Variants in FGD1 observed in about 807,000 individuals in gnomAD.
The protein encoded by FGD1 is FYVE, RhoGEF and PH domain containing 1.
FGD1 carries 12 observed loss-of-function variants against 65.0 expected under a neutral mutation model. The observed-to-expected ratio is 0.18, with a 90% CI of 0.12 to 0.30. FGD1 has a LOEUF of 0.30. Ranked by LOEUF, FGD1 falls within the 10% of genes least tolerant of loss-of-function variation. FGD1 has a pLI of 1.00. For missense variants in FGD1, 542 were observed against 837.6 expected (o/e 0.65, Z 4.36); for synonymous variants, 333 against 343.9 (o/e 0.97, Z 0.35).
rs1481678442 is a variant in FGD1, at chrX:54,495,319, C to T, written c.114G>A (p.Ser38=). The T allele has an allele frequency of 8.5e-7, 1 of 1,171,135 alleles. No homozygotes were observed. Among genetic ancestry groups the T allele is most frequent in the Non-Finnish European group, 1.1e-6 (1 of 877,256 alleles). ...PACADSDPGA[S]EPGLLARRGS... ...CCCTGCGCGCCAGCAGTCCGGGTTC[C>T]GAGGCTCCAGGGTCCGAGTCGGCAC... is the stretch of plus-strand genomic sequence containing the variant. The change falls in exon 1 of 18, where the codon TCG becomes TCA. Residue 38 remains serine, a synonymous_variant. Coordinates refer to ENST00000375135, the MANE Select transcript of FGD1 (RefSeq NM_004463.3).
intron 1 of FGD1, among the ~76,000 whole-genome samples, chrX:54,485,812 G>A (rs1923258725): frequency 9.4e-6 from 1 of 106,508 alleles, no homozygotes; most frequent in African/African-American, 3.5e-5. Context: ...GTCTCGCTCT[G>A]TTGCCAGACT....
chrX:54,451,346 G>A (rs371611781), intron 12 of FGD1, among the ~76,000 whole-genome samples: 7 of 107,453 alleles, frequency 6.5e-5, no homozygotes, highest in African/African-American at 2.0e-4. Flanking sequence ...GTGCAGTGGC[G>A]TGATCTCAGC....
chrX:54,475,790 G>A (rs1293204957), intron 1 of FGD1, among the ~76,000 whole-genome samples: 7 of 112,265 alleles, frequency 6.2e-5, no homozygotes, highest in African/African-American at 2.3e-4. Flanking sequence ...CAGCTAGGCC[G>A]GGCGCGGTGG....
At chrX:54,482,992 G>A (rs886333433) in intron 1 of FGD1, among the ~76,000 whole-genome samples, 1 of 111,939 alleles carries the variant, frequency 8.9e-6, no homozygotes, top group Non-Finnish European at 1.9e-5. Context: ...TAGAAGGTGG[G>A]AATGACAGCC....
chrX:54,487,929 GAC>G (rs1199194092), intron 1 of FGD1, among the ~76,000 whole-genome samples: 2 of 97,505 alleles, frequency 2.1e-5, no homozygotes, highest in Non-Finnish European at 2.1e-5. Flanking sequence ...CAGCCTGGGC[GAC>G]AGAGTGACAC....
Position 54,483,563 on chromosome X carries a change from G to A in FGD1, c.307+11563C>T, listed in dbSNP as rs542485306. On this transcript the variant is annotated intron_variant, in intron 1 of 17. Transcript: ENST00000375135. ...GGGCCATGGGGAAGCGCCAAGGAGG[G>A]CTCTTCCCTCTTAGTCTCAGCTACA... Among the ~76,000 whole-genome samples the A allele has an allele frequency of 1.4e-4, 16 of 112,314 alleles. No individual in the cohort carries two copies. The South Asian group carries it at 5.9e-3, about 41-fold the overall frequency.
chrX:54,470,175 G>T lies in FGD1; in HGVS notation c.942C>A (p.Pro314=), dbSNP rs200512089. 233 of 1,208,272 alleles carry T rather than the reference G, an allele frequency of 1.9e-4. 1 individual carries two copies. The East Asian group carries it at 6.1e-3, about 32-fold the overall frequency. Residue 314 remains proline, a synonymous_variant, in exon 4 of 18, where the codon CCC becomes CCA. Coordinates refer to ENST00000375135, the MANE Select transcript of FGD1 (RefSeq NM_004463.3). ...GPPSHSLCPG[P]PALASVPVAL... ...CAACAGGCACACTAGCCAGGGCAGGGGGCCCAGGGCAGAGGCTGTGGCTGG... is the reference window on the plus strand; with the variant it reads ...CAACAGGCACACTAGCCAGGGCAGGTGGCCCAGGGCAGAGGCTGTGGCTGG...
intron 8 of FGD1, among the ~76,000 whole-genome samples, chrX:54,462,747 C>T (rs1413272350): frequency 1.9e-5 from 2 of 104,319 alleles, no homozygotes; most frequent in Admixed American, 2.2e-4. Flanking sequence ...TTTCTTCCTA[C>T]CTTTAGGGCT....
intron 1 of FGD1, 81 bp downstream of exon 1, chrX:54,495,045 T>C: frequency 9.5e-7 from 1 of 1,051,083 alleles, no homozygotes; most frequent in Non-Finnish European, 1.3e-6. Flanking sequence ...AGGTGGGGCT[T>C]AGAGGGCTCG....
intron 1 of FGD1, among the ~76,000 whole-genome samples, chrX:54,475,793 C>T (rs1333179827): frequency 2.7e-5 from 3 of 112,343 alleles, no homozygotes; most frequent in East Asian, 2.8e-4. Flanking sequence ...CTAGGCCGGG[C>T]GCGGTGGCTC....
intron 1 of FGD1, among the ~76,000 whole-genome samples, chrX:54,486,942 G>A (rs61433966): frequency 9.4e-6 from 1 of 105,836 alleles, no homozygotes; most frequent in East Asian, 3.3e-4. Context: ...GCAGTGAGCC[G>A]AGATTGCCAC....
rs767875547 is a variant in FGD1, at chrX:54,465,585, T to A, written c.1502A>T (p.Glu501Val). 1.7e-6 allele frequency: 2 copies of A among 1,209,204 alleles called. No homozygotes were observed. The highest frequency in any genetic ancestry group is 2.2e-6 in the Non-Finnish European group (2 of 894,316). Residue 501 changes from glutamate to valine, a missense_variant, in exon 8 of 18, where the codon GAG (glutamate) becomes GTG (valine). Glu to Val is a moderately radical substitution (Grantham distance 121). Around this residue, in one of 6 missense-constraint regions of FGD1, gnomAD observed 41 missense variants for 109.5 expected, o/e 0.37. Coordinates refer to ENST00000375135, the MANE Select transcript of FGD1 (RefSeq NM_004463.3). Reference protein sequence around the residue: ...FKVIIHEVQKEEACGNLTLQH... With the variant: ...FKVIIHEVQKVEACGNLTLQH... ...CAATGTCAGGTTGCCACAGGCTTCC[T>A]CCTTCTGTGACAGGCAGAAGCAGAG...
At chrX:54,489,068 G>A (rs1923356744) in intron 1 of FGD1, among the ~76,000 whole-genome samples, 1 of 112,250 alleles carries the variant, frequency 8.9e-6, no homozygotes, top group South Asian at 3.6e-4. Context: ...TTAAATGAAA[G>A]AACTTCTGCA....
chrX:54,450,361 G>C (rs1320637053), intron 12 of FGD1, 60 bp from the exon 13 acceptor site: 1 of 1,094,227 alleles, frequency 9.1e-7, no homozygotes, highest in Admixed American at 2.2e-5. Context: ...AAAAGCAATA[G>C]GAGTGGAAGA....
At chrX:54,446,565 C>G in intron 17 of FGD1, 151 bp from the exon 18 acceptor site, 10 of 514,826 alleles carry the variant, frequency 1.9e-5, no homozygotes. Context: ...GTGTTATCAA[C>G]AGGAACATGT....
intron 8 of FGD1, among the ~76,000 whole-genome samples, chrX:54,458,540 CAAA>C (rs774218099): frequency 5.7e-5 from 1 of 17,586 alleles, no homozygotes. Context: ...GACTACGTCT[CAAA>C]AAAAAAAAAA....
intron 1 of FGD1, among the ~76,000 whole-genome samples, chrX:54,473,151 G>A (rs1243811662): frequency 1.8e-5 from 2 of 111,588 alleles, no homozygotes; most frequent in Admixed American, 1.9e-4. Context: ...CAGTCACAAA[G>A]ACACAGAGTC....
chrX:54,495,109 C>T lies in FGD1; in HGVS notation c.307+17G>A, dbSNP rs951992078. The T allele has an allele frequency of 1.0e-5, 12 of 1,170,661 alleles. No individual in the cohort carries two copies. Among genetic ancestry groups the T allele is most frequent in the Non-Finnish European group, 1.3e-5 (11 of 875,856 alleles). Reference sequence around the variant, plus strand: ...CCCGTGGCCCGGGCTCCCATGCTCTCTCAGTCGCTCACTCACCAGGCCGAG... The same window carrying T: ...CCCGTGGCCCGGGCTCCCATGCTCTTTCAGTCGCTCACTCACCAGGCCGAG... On this transcript the variant is annotated intron_variant, in intron 1 of 17. Transcript: ENST00000375135.
At chrX:54,455,389 G>T in intron 12 of FGD1, 59 bp downstream of exon 12, 1 of 923,693 alleles carries the variant, frequency 1.1e-6, no homozygotes, top group Non-Finnish European at 1.6e-6. Context: ...GAATGCCTCA[G>T]CATATCTGAA....
Sources: allele counts gnomAD v4.1 joint callset (sites outside exome capture counted in the v4.1 genomes callset), GRCh38; gene constraint gnomAD v4.1.1; regional missense constraint gnomAD v4.1.1; transcripts MANE v1.5; gene names NCBI Gene and HGNC (gene_info 2026-07-23, HGNC 2026-07-21).